The following SGCZ variants were observed in gnomAD, a reference collection of about 807,000 sequenced individuals.
The protein encoded by SGCZ is zeta-sarcoglycan.
A neutral mutation model predicts 41.3 loss-of-function variants in SGCZ; 40 were observed. That is an observed-to-expected ratio of 0.97 (90% confidence interval 0.75 to 1.26). SGCZ has a LOEUF of 1.26. Ranked by LOEUF, SGCZ falls within the 50% of genes most tolerant of loss-of-function variation. The probability of loss-of-function intolerance (pLI) is 0.00; values close to 1 mark genes in which losing one functional copy is unlikely to be tolerated. For missense variants in SGCZ, 552 were observed against 369.8 expected, an observed-to-expected ratio of 1.49 and a Z score of -4.04; for synonymous variants, 206 against 137.5, an observed-to-expected ratio of 1.50 and a Z score of -3.49.
At chr8:14,665,332 G>A (rs1412724504) in intron 1 of SGCZ, among the ~76,000 whole-genome samples, 1 of 152,166 alleles carries the variant, frequency 6.6e-6, no homozygotes, top group Non-Finnish European at 1.5e-5. Context: ...TCCCTACAAA[G>A]GACATGAACT....
intron 1 of SGCZ, among the ~76,000 whole-genome samples, chr8:14,576,663 C>T (rs1289377724): frequency 6.6e-6 from 1 of 152,168 alleles, no homozygotes; most frequent in Non-Finnish European, 1.5e-5. Context: ...TGCACTTGCT[C>T]TTTAGAATCT....
chr8:14,806,378 AT>A (rs1801529792), intron 1 of SGCZ, among the ~76,000 whole-genome samples: 1 of 150,818 alleles, frequency 6.6e-6, no homozygotes, highest in Admixed American at 6.6e-5. Context: ...AATAGACACA[AT>A]AAAAAATGAT....
At chr8:14,444,659 T>C (rs1236484360) in intron 2 of SGCZ, among the ~76,000 whole-genome samples, 1 of 131,322 alleles carries the variant, frequency 7.6e-6, no homozygotes, top group African/African-American at 2.9e-5. Context: ...ATGGGGACTG[T>C]TGTGGGGTGG....
chr8:14,181,914 T>C (rs756689661), intron 4 of SGCZ, among the ~76,000 whole-genome samples: 8 of 152,188 alleles, frequency 5.3e-5, no homozygotes, highest in Non-Finnish European at 1.0e-4. Flanking sequence ...ACAAACACCT[T>C]AAATTATTTG....
At chr8:14,156,785 A>G (rs1235186810) in intron 5 of SGCZ, among the ~76,000 whole-genome samples, 2 of 152,170 alleles carry the variant, frequency 1.3e-5, no homozygotes, top group South Asian at 2.1e-4. Flanking sequence ...AAGTTCATCA[A>G]TATCACTGTC....
intron 5 of SGCZ, among the ~76,000 whole-genome samples, chr8:14,125,126 G>A (rs1010580440): frequency 3.3e-5 from 5 of 152,148 alleles, no homozygotes; most frequent in Admixed American, 6.5e-5. Flanking sequence ...ACAAACCACT[G>A]ATAAATGAAA....
At position 15,167,847 on chromosome 8, in the gene SGCZ, C is replaced by T. The variant is rs151189236; in HGVS notation, c.39+69738G>A. Among the ~76,000 whole-genome samples the T allele has an allele frequency of 7.1e-4, 108 of 152,272 alleles. 1 individual carries two copies. Among genetic ancestry groups the T allele is most frequent in the Middle Eastern group, 3.4e-3 (1 of 294 alleles). ...CTCTGGCTGTAGATCAGAAAGAACA[C>T]GAGGGATGGGTAATGTACAAATCCT... On this transcript the variant is annotated intron_variant, in intron 1 of 7. Coordinates refer to ENST00000382080, the MANE Select transcript of SGCZ (RefSeq NM_139167.4).
chr8:14,217,370 T>C (rs1806036016), intron 4 of SGCZ, among the ~76,000 whole-genome samples: 1 of 150,524 alleles, frequency 6.6e-6, no homozygotes, highest in African/African-American at 2.5e-5. Context: ...TGGATACATG[T>C]ATAACTGGTT....
chr8:14,795,145 A>G (rs1801082750), intron 1 of SGCZ, among the ~76,000 whole-genome samples: 1 of 152,184 alleles, frequency 6.6e-6, no homozygotes. Flanking sequence ...ATCAAAATGG[A>G]TGATTGAATG....
intron 2 of SGCZ, among the ~76,000 whole-genome samples, chr8:14,345,047 A>G (rs1305281479): frequency 6.6e-6 from 1 of 152,098 alleles, no homozygotes; most frequent in African/African-American, 2.4e-5. Context: ...TACACACACA[A>G]TTTTTTTCAT....
chr8:14,166,556 C>T (rs1299767750), intron 4 of SGCZ, among the ~76,000 whole-genome samples: 1 of 152,068 alleles, frequency 6.6e-6, no homozygotes, highest in Non-Finnish European at 1.5e-5. Context: ...CATAAAACCT[C>T]AATATTTACA....
At chr8:14,893,683 G>A (rs796397790) in intron 1 of SGCZ, among the ~76,000 whole-genome samples, 5 of 152,248 alleles carry the variant, frequency 3.3e-5, no homozygotes, top group African/African-American at 1.2e-4. Flanking sequence ...CAGACACTAT[G>A]AACTATGCTG....
intron 3 of SGCZ, among the ~76,000 whole-genome samples, chr8:14,261,381 T>C (rs1427025): frequency 0.38 from 58,318 of 152,050 alleles, 12,585 homozygotes; most frequent in Non-Finnish European, 0.5. Context: ...AGAAAGTAAG[T>C]ATTTTGACAG....
At chr8:14,951,695 T>C (rs1443807757) in intron 1 of SGCZ, among the ~76,000 whole-genome samples, 1 of 152,068 alleles carries the variant, frequency 6.6e-6, no homozygotes, top group Non-Finnish European at 1.5e-5. Context: ...CACATGCTTT[T>C]ATAAATAGCA....
intron 2 of SGCZ, among the ~76,000 whole-genome samples, chr8:14,465,927 A>T (rs116210842): frequency 0.013 from 1,908 of 151,596 alleles, 38 homozygotes; most frequent in African/African-American, 0.043. Flanking sequence ...CAATAACACC[A>T]GCTTTAGACT....
intron 1 of SGCZ, among the ~76,000 whole-genome samples, chr8:14,958,081 A>T (rs1039887729): frequency 3.3e-5 from 5 of 152,092 alleles, no homozygotes; most frequent in Non-Finnish European, 5.9e-5. Context: ...CTCATGAAAG[A>T]ATAATTTCAC....
chr8:15,156,216 A>C (rs1799327374), intron 1 of SGCZ, among the ~76,000 whole-genome samples: 1 of 152,152 alleles, frequency 6.6e-6, no homozygotes. Context: ...TAAAATGGCT[A>C]ATGTCCAAAA....
chr8:14,196,451 A>T (rs1805269801), intron 4 of SGCZ, among the ~76,000 whole-genome samples: 1 of 152,056 alleles, frequency 6.6e-6, no homozygotes, highest in South Asian at 2.1e-4. Flanking sequence ...GAAATGCAAA[A>T]TTTTTCAGCC....
chr8:14,162,011 A>G (rs1804062404), intron 5 of SGCZ, among the ~76,000 whole-genome samples: 2 of 152,178 alleles, frequency 1.3e-5, no homozygotes, highest in Admixed American at 1.3e-4. Context: ...GCACTGAATT[A>G]AAAAGCAGAA....
Sources: allele counts gnomAD v4.1 joint callset (sites outside exome capture counted in the v4.1 genomes callset), GRCh38; gene constraint gnomAD v4.1.1; transcripts MANE v1.5; gene names NCBI Gene and HGNC (gene_info 2026-07-23, HGNC 2026-07-21).